Variants in KAZN observed in about 807,000 individuals in gnomAD.
The protein encoded by KAZN is kazrin.
A neutral mutation model predicts 87.4 loss-of-function variants in KAZN; 40 were observed. The observed-to-expected ratio is 0.46, with a 90% CI of 0.36 to 0.60. The LOEUF (loss-of-function observed/expected upper bound fraction) is 0.60. Ranked by LOEUF, KAZN falls within the 20% of genes least tolerant of loss-of-function variation. The pLI is 0.00. For synonymous variants in KAZN, 466 were observed against 458.3 expected (o/e 1.02, Z -0.22); for missense variants, 898 against 1,073.9 (o/e 0.84, Z 2.29).
At chr1:14,067,228 G>A (rs1025600011) in intron 1 of KAZN, among the ~76,000 whole-genome samples, 5 of 152,166 alleles carry the variant, frequency 3.3e-5, no homozygotes, top group Admixed American at 2.0e-4. Context: ...TGCCTGTCCC[G>A]TGATAGGCTC....
intron 4 of KAZN, among the ~76,000 whole-genome samples, chr1:15,045,577 A>T (rs905326083): frequency 4.6e-5 from 7 of 152,234 alleles, no homozygotes; most frequent in Non-Finnish European, 1.0e-4. Flanking sequence ...TTGTGTGTTC[A>T]CTGTGTCGTG....
intron 2 of KAZN, among the ~76,000 whole-genome samples, chr1:14,378,396 C>A (rs558219294): frequency 1.1e-4 from 17 of 152,302 alleles, no homozygotes; most frequent in Admixed American, 4.6e-4. Context: ...ACTATCTGCA[C>A]GAAGAAACAA....
At chr1:14,340,633 G>C (rs1157189645) in intron 2 of KAZN, among the ~76,000 whole-genome samples, 1 of 152,146 alleles carries the variant, frequency 6.6e-6, no homozygotes, top group Non-Finnish European at 1.5e-5. Flanking sequence ...ACAAGTTGTA[G>C]ATAACTGATA....
At chr1:14,374,432 T>A (rs977683416) in intron 2 of KAZN, among the ~76,000 whole-genome samples, 4 of 152,194 alleles carry the variant, frequency 2.6e-5, no homozygotes, top group Non-Finnish European at 4.4e-5. Context: ...TCAGATCCCC[T>A]TCAGGCAAGG....
At chr1:14,088,402 A>AG (rs1167807660) in intron 1 of KAZN, among the ~76,000 whole-genome samples, 2 of 151,988 alleles carry the variant, frequency 1.3e-5, no homozygotes, top group Non-Finnish European at 2.9e-5. Flanking sequence ...TGGGTTATTT[A>AG]GAAATGTGTT....
At chr1:15,105,741 A>G (rs1641273723) in intron 13 of KAZN, among the ~76,000 whole-genome samples, 7 of 152,068 alleles carry the variant, frequency 4.6e-5, no homozygotes, top group Admixed American at 4.6e-4. Flanking sequence ...TTAAGGAAAA[A>G]TTGTGCATGT....
chr1:14,187,083 A>T (rs533720136), intron 2 of KAZN, among the ~76,000 whole-genome samples: 3 of 152,282 alleles, frequency 2.0e-5, no homozygotes, highest in African/African-American at 7.2e-5. Context: ...GGGTATTATT[A>T]TCTCTATTTT....
chr1:14,177,567 C>T (rs1236007783), intron 1 of KAZN, among the ~76,000 whole-genome samples: 1 of 152,132 alleles, frequency 6.6e-6, no homozygotes, highest in Non-Finnish European at 1.5e-5. Flanking sequence ...TTTTTGCTTT[C>T]AGTACTTTCG....
intron 1 of KAZN, among the ~76,000 whole-genome samples, chr1:14,082,580 G>C (rs3817942): frequency 0.1 from 15,156 of 152,214 alleles, 932 homozygotes; most frequent in East Asian, 0.13. Context: ...GCCCAGGAAG[G>C]ATAACAAAAT....
intron 1 of KAZN, among the ~76,000 whole-genome samples, chr1:14,695,157 A>G (rs753523303): frequency 3.3e-5 from 5 of 152,248 alleles, no homozygotes; most frequent in Non-Finnish European, 7.3e-5. Flanking sequence ...CAATGATGCT[A>G]TCATATTGCT....
At chr1:14,839,676 G>C (rs2100923469) in intron 1 of KAZN, among the ~76,000 whole-genome samples, 1 of 152,214 alleles carries the variant, frequency 6.6e-6, no homozygotes, top group African/African-American at 2.4e-5. Flanking sequence ...TATTGTTGTT[G>C]CTCTTTCTTC....
intron 1 of KAZN, among the ~76,000 whole-genome samples, chr1:14,643,168 T>C (rs2148679171): frequency 6.6e-6 from 1 of 152,366 alleles, no homozygotes; most frequent in Middle Eastern, 3.4e-3. Flanking sequence ...ATGGATTTTT[T>C]TTAACTTTTA....
intron 2 of KAZN, among the ~76,000 whole-genome samples, chr1:15,032,676 C>T (rs1671847627): frequency 6.6e-6 from 1 of 152,036 alleles, no homozygotes; most frequent in Non-Finnish European, 1.5e-5. Context: ...GGACCAGGCA[C>T]TGTGGCTCAT....
At chr1:14,814,518 G>T (rs896035079) in intron 1 of KAZN, among the ~76,000 whole-genome samples, 2 of 152,184 alleles carry the variant, frequency 1.3e-5, no homozygotes, top group African/African-American at 4.8e-5. Flanking sequence ...CTGGCCAAAG[G>T]CTGCATCTTC....
intron 2 of KAZN, among the ~76,000 whole-genome samples, chr1:14,416,416 G>A (rs1371936538): frequency 6.6e-6 from 1 of 152,140 alleles, no homozygotes. Flanking sequence ...GTAAATTAGA[G>A]AACATTTGCC....
chr1:14,936,270 G>A (rs931537153), intron 1 of KAZN, among the ~76,000 whole-genome samples: 8 of 152,346 alleles, frequency 5.3e-5, no homozygotes, highest in Middle Eastern at 3.4e-3. Context: ...ACGAGAGCCC[G>A]TGGATTTGGA....
At chr1:14,884,317 G>A (rs540761021) in intron 1 of KAZN, among the ~76,000 whole-genome samples, 22 of 152,120 alleles carry the variant, frequency 1.4e-4, no homozygotes, top group African/African-American at 4.3e-4. Context: ...GCTTGAACCC[G>A]GGAGGCAGAG....
chr1:14,431,744 G>A (rs1666083587), intron 2 of KAZN, among the ~76,000 whole-genome samples: 1 of 152,148 alleles, frequency 6.6e-6, no homozygotes, highest in Admixed American at 6.5e-5. Context: ...AGACTCCAGG[G>A]TCTTCAGCCT....
intron 2 of KAZN, among the ~76,000 whole-genome samples, chr1:14,317,118 G>A (rs1655705220): frequency 6.6e-6 from 1 of 151,834 alleles, no homozygotes; most frequent in African/African-American, 2.4e-5. Flanking sequence ...ATTGATTATT[G>A]AGAGAAGAGT....
Sources: gnomAD v4.1 joint callset for allele counts (sites outside exome capture counted in the v4.1 genomes callset) on GRCh38, gnomAD v4.1.1 for gene constraint, MANE v1.5 for transcripts, NCBI Gene and HGNC (gene_info 2026-07-23, HGNC 2026-07-21) for gene names.